The following FAM13C variants were observed in gnomAD, a reference collection of about 807,000 sequenced individuals.
The protein encoded by FAM13C is family with sequence similarity 13 member C, also known as protein FAM13C.
FAM13C carries 37 observed loss-of-function variants against 73.2 expected under a neutral mutation model. The observed-to-expected ratio is 0.51, with a 90% CI of 0.39 to 0.67. The LOEUF (loss-of-function observed/expected upper bound fraction) is 0.67. Among genes scored for constraint, FAM13C ranks in the 30% least tolerant of loss-of-function variants. FAM13C has a pLI of 0.00. For missense variants in FAM13C, 589 were observed against 715.6 expected (o/e 0.82, Z 2.02); for synonymous variants, 246 against 260.9 (o/e 0.94, Z 0.55).
chr10:59,261,335 G>A (rs978085998), intron 10 of FAM13C, among the ~76,000 whole-genome samples: 3 of 152,048 alleles, frequency 2.0e-5, no homozygotes, highest in African/African-American at 7.2e-5. Context: ...ATTTCTACTT[G>A]TAGATCACAA....
chr10:59,324,939 A>T (rs567723689), intron 3 of FAM13C, among the ~76,000 whole-genome samples: 6 of 152,344 alleles, frequency 3.9e-5, no homozygotes, highest in African/African-American at 1.4e-4. Flanking sequence ...CAACACAAAG[A>T]CATGCATACA....
At chr10:59,289,166 G>T (rs958201388) in intron 5 of FAM13C, among the ~76,000 whole-genome samples, 1 of 152,150 alleles carries the variant, frequency 6.6e-6, no homozygotes, top group Non-Finnish European at 1.5e-5. Context: ...CCTCGCATGC[G>T]CAGTTCACAA....
intron 6 of FAM13C, among the ~76,000 whole-genome samples, chr10:59,273,604 C>T (rs1417077744): frequency 6.6e-6 from 1 of 152,074 alleles, no homozygotes; most frequent in African/African-American, 2.4e-5. Flanking sequence ...TAGTAATATG[C>T]TCTTCATTTT....
chr10:59,249,776 A>G (rs949004634), intron 13 of FAM13C, among the ~76,000 whole-genome samples: 1 of 152,256 alleles, frequency 6.6e-6, no homozygotes, highest in African/African-American at 2.4e-5. Flanking sequence ...TAGTTGAAAT[A>G]TATCATCACA....
rs1016804824 is a variant in FAM13C at position 59,329,313 on chromosome 10, AT to A, written c.325-5208del. On this transcript the variant is annotated intron_variant, in intron 3 of 13. Coordinates refer to ENST00000618804, the MANE Select transcript of FAM13C (RefSeq NM_198215.4). Reference sequence around the variant, plus strand: ...ATGAAGTAGGATGTCCTCTGATTCCATTTTTTTTTCTTTTTTTCTTTCTTTC... The same window carrying A: ...ATGAAGTAGGATGTCCTCTGATTCCATTTTTTTTCTTTTTTTCTTTCTTTC... Among the ~76,000 whole-genome samples the A allele has an allele frequency of 3.9e-5, 4 of 101,770 alleles. No homozygotes were observed. The East Asian group carries it at 8.1e-4, about 20-fold the overall frequency. The allele number at this position is 101,770 out of a possible 152,430, so 66.8% of individuals were successfully genotyped here.
intron 8 of FAM13C, 55 bp from the exon 9 acceptor site, chr10:59,264,221 G>A (rs1360133511): frequency 7.7e-6 from 9 of 1,169,102 alleles, no homozygotes; most frequent in Admixed American, 7.5e-5. Flanking sequence ...GGAGAGGGTG[G>A]GGGAGAAAAA....
intron 3 of FAM13C, among the ~76,000 whole-genome samples, chr10:59,348,287 T>C (rs1226809161): frequency 1.3e-5 from 2 of 152,204 alleles, no homozygotes; most frequent in African/African-American, 4.8e-5. Flanking sequence ...GTAAGATTTG[T>C]AGCTGCAACA....
rs376300603 is a variant in FAM13C, at chr10:59,299,496, G to T, written c.507+3305C>A. 4.8e-4 allele frequency among the ~76,000 whole-genome samples: 70 copies of T among 146,942 alleles called. 1 individual carries two copies. Among genetic ancestry groups the T allele is most frequent in the African/African-American group, 1.6e-3 (64 of 40,026 alleles). ...GTCTGGGAGTTGGAAACAGTAGTTT[G>T]AGGACCCAATATGGCTTTTTTTTTT... On this transcript the variant is annotated intron_variant, in intron 5 of 13. Coordinates refer to ENST00000618804, the MANE Select transcript of FAM13C (RefSeq NM_198215.4).
At chr10:59,306,136 TTTTTCTAGGGC>T (rs1315614737) in intron 4 of FAM13C, among the ~76,000 whole-genome samples, 5 of 152,126 alleles carry the variant, frequency 3.3e-5, no homozygotes, top group Admixed American at 3.3e-4. Context: ...CAAATACAAG[TTTTTCTAGGGC>T]TTTGGTGCAA....
intron 3 of FAM13C, among the ~76,000 whole-genome samples, chr10:59,343,968 CT>C (rs760773172): frequency 0.15 from 20,430 of 134,962 alleles, 1,270 homozygotes; most frequent in East Asian, 0.3. Flanking sequence ...TTTCTTTTTT[CT>C]TTTTTTTTTT....
intron 5 of FAM13C, among the ~76,000 whole-genome samples, chr10:59,293,537 T>A (rs932513841): frequency 2.0e-5 from 3 of 152,228 alleles, no homozygotes; most frequent in African/African-American, 4.8e-5. Flanking sequence ...TTCCATTGTA[T>A]ATAAGTACCA....
At chr10:59,284,318 G>A (rs1845291797) in intron 5 of FAM13C, among the ~76,000 whole-genome samples, 1 of 152,020 alleles carries the variant, frequency 6.6e-6, no homozygotes. Flanking sequence ...CCAGGTGAAA[G>A]TGAGTCAGCC....
In FAM13C at chr10:59,319,728, T is replaced by C. The variant is rs907945603; in HGVS notation, c.443+4260A>G. Among the ~76,000 whole-genome samples, 14 of 152,288 alleles carry C rather than the reference T, an allele frequency of 9.2e-5. No homozygotes were observed. The Middle Eastern group carries it at 0.01, about 111-fold the overall frequency. ...GAGCAAATCACAGCCTCACTGGGTGTCAAAGAAGAAAAAGATAGTTGTATT... is the reference window on the plus strand; with the variant it reads ...GAGCAAATCACAGCCTCACTGGGTGCCAAAGAAGAAAAAGATAGTTGTATT... On this transcript the variant is annotated intron_variant, in intron 4 of 13. Coordinates refer to ENST00000618804, the MANE Select transcript of FAM13C (RefSeq NM_198215.4).
intron 8 of FAM13C, among the ~76,000 whole-genome samples, chr10:59,267,767 A>T (rs1476929282): frequency 6.6e-6 from 1 of 152,146 alleles, no homozygotes; most frequent in Non-Finnish European, 1.5e-5. Context: ...AAGATGTATG[A>T]GAGATTATTC....
chr10:59,290,030 C>T (rs892411393), intron 5 of FAM13C, among the ~76,000 whole-genome samples: 2 of 152,136 alleles, frequency 1.3e-5, no homozygotes, highest in African/African-American at 2.4e-5. Flanking sequence ...TCCAACTATC[C>T]CATCTGGTTA....
chr10:59,254,499 A>G (rs1194942436), intron 10 of FAM13C, 56 bp from the exon 11 acceptor site: 2 of 1,061,098 alleles, frequency 1.9e-6, no homozygotes, highest in East Asian at 2.8e-5. Flanking sequence ...GAAAACGTCA[A>G]CATTTTTAGC....
chr10:59,360,307 G>T (rs1175703952), intron 1 of FAM13C, among the ~76,000 whole-genome samples: 1 of 152,150 alleles, frequency 6.6e-6, no homozygotes. Flanking sequence ...TTCATCCAAA[G>T]AAATCATCTC....
chr10:59,275,360 C>T (rs564445238), intron 6 of FAM13C, among the ~76,000 whole-genome samples: 4 of 152,218 alleles, frequency 2.6e-5, no homozygotes, highest in East Asian at 1.9e-4. Flanking sequence ...TCAAGGAACT[C>T]GAAGAGACAG....
chr10:59,323,734 G>A (rs1850677302), intron 4 of FAM13C, among the ~76,000 whole-genome samples: 1 of 152,160 alleles, frequency 6.6e-6, no homozygotes, highest in Non-Finnish European at 1.5e-5. Flanking sequence ...CCAAGGGCAG[G>A]ACCTGTCTCC....
Sources: allele counts gnomAD v4.1 joint callset (sites outside exome capture counted in the v4.1 genomes callset), GRCh38; gene constraint gnomAD v4.1.1; transcripts MANE v1.5; gene names NCBI Gene and HGNC (gene_info 2026-07-23, HGNC 2026-07-21).